Variants in SYNE2 observed in about 807,000 individuals in gnomAD.
The protein encoded by SYNE2 is spectrin repeat containing nuclear envelope protein 2, also known as nesprin-2.
Under a neutral mutation model 856.3 loss-of-function variants are expected in SYNE2, and 431 were observed. The observed-to-expected ratio is 0.50, with a 90% CI of 0.47 to 0.55. SYNE2 has a LOEUF of 0.55. SYNE2 is among the 20% of genes least tolerant of loss of function. The pLI is 0.00. For missense variants in SYNE2, 8,129 were observed against 8,023.2 expected, an observed-to-expected ratio of 1.01 and a Z score of -0.50; for synonymous variants, 2,923 against 2,872.3, an observed-to-expected ratio of 1.02 and a Z score of -0.56.
At position 63,947,714 on chromosome 14, in the gene SYNE2, G is replaced by T. The variant is rs956838783; in HGVS notation, c.409-2111G>T. Among the ~76,000 whole-genome samples, 6 of 152,156 alleles carry T rather than the reference G, an allele frequency of 3.9e-5. No individual in the cohort carries two copies. The East Asian group carries it at 1.2e-3, about 29-fold the overall frequency. ...TAGCCGGGCATGGTGGTGCATGCCTGTAATTCCAGCTACTCGAGAGGCTGA... is the reference window on the plus strand; with the variant it reads ...TAGCCGGGCATGGTGGTGCATGCCTTTAATTCCAGCTACTCGAGAGGCTGA... On this transcript the variant is annotated intron_variant, in intron 6 of 115. Transcript: ENST00000555002.
At chr14:63,964,151 T>G in intron 10 of SYNE2, 151 bp downstream of exon 10, 1 of 608,722 alleles carries the variant, frequency 1.6e-6, no homozygotes, top group Non-Finnish European at 2.9e-6. Flanking sequence ...CTTCCGAAAC[T>G]TTAAGGTGCA....
chr14:64,174,016 C>T (rs1450334671), intron 94 of SYNE2: 2 of 637,738 alleles, frequency 3.1e-6, no homozygotes, highest in Non-Finnish European at 5.5e-6. Flanking sequence ...AGCTGTAACA[C>T]CGCCACTAAA....
At chr14:64,212,581 A>G (rs1317345718) in intron 104 of SYNE2, among the ~76,000 whole-genome samples, 1 of 152,232 alleles carries the variant, frequency 6.6e-6, no homozygotes, top group Admixed American at 6.5e-5. Context: ...TCAAACTTTT[A>G]GAATTATTTT....
At chr14:64,188,768 C>A in intron 98 of SYNE2, 60 bp downstream of exon 98, 4 of 1,571,024 alleles carry the variant, frequency 2.5e-6, no homozygotes, top group African/African-American at 1.3e-5. Flanking sequence ...CGGCCCTCCT[C>A]ACTCCTAAGC....
In SYNE2 at chr14:64,115,579, C is replaced by T. The variant is rs372339046; in HGVS notation, c.12840+2008C>T. Among the ~76,000 whole-genome samples, 29 of 152,192 alleles carry T rather than the reference C, an allele frequency of 1.9e-4. 1 individual carries two copies. The highest frequency in any genetic ancestry group is 3.4e-3 in the Middle Eastern group (1 of 294). On this transcript the variant is annotated intron_variant, in intron 66 of 115. Transcript: ENST00000555002. The stretch of plus-strand genomic sequence containing the variant: ...GTGCAGTTTTCAGGGGTATGCAAAG[C>T]AGACAGGCTCTAAATGGATTAAAAT...
At chr14:63,937,559 A>G (rs549748769) in intron 2 of SYNE2, among the ~76,000 whole-genome samples, 7 of 152,226 alleles carry the variant, frequency 4.6e-5, no homozygotes, top group African/African-American at 1.7e-4. Context: ...GCAAGGTTTC[A>G]GCTGAGTTTA....
Position 64,002,747 on chromosome 14 carries a change from A to G in SYNE2, c.3814A>G (p.Ile1272Val), listed in dbSNP as rs1245258067. The G allele has an allele frequency of 6.2e-7, 1 of 1,613,096 alleles. No individual in the cohort carries two copies. Among genetic ancestry groups the G allele is most frequent in the Non-Finnish European group, 8.5e-7 (1 of 1,179,930 alleles). Residue 1272 changes from isoleucine (I) to valine (V), a missense_variant, in exon 30 of 116, where the codon ATT becomes GTT. Transcript: ENST00000555002. ...RNIQDSIAKQ[I>V]EICNRLEEPG... ...TATCCAAGATTCCATAGCAAAACAG[A>G]TTGAAATATGTAACCGCTTAGAAGA...
chr14:63,822,450 C>A (rs1191979513), intron 1 of SYNE2, among the ~76,000 whole-genome samples: 2 of 152,122 alleles, frequency 1.3e-5, no homozygotes, highest in African/African-American at 4.8e-5. Flanking sequence ...CTAGCTTTAT[C>A]CCTAGGGCAT....
intron 2 of SYNE2, among the ~76,000 whole-genome samples, chr14:63,923,777 G>C (rs1222928341): frequency 6.6e-6 from 1 of 151,884 alleles, no homozygotes; most frequent in East Asian, 1.9e-4. Context: ...TCACAGAGTT[G>C]AGCAGTCATC....
intron 99 of SYNE2, among the ~76,000 whole-genome samples, chr14:64,197,875 C>G (rs532036225): frequency 6.6e-6 from 1 of 152,304 alleles, no homozygotes; most frequent in East Asian, 1.9e-4. Context: ...AAAAGAAAAA[C>G]TTTATTTGCC....
At chr14:64,180,839 T>C (rs766287580) in intron 96 of SYNE2, among the ~76,000 whole-genome samples, 7 of 152,222 alleles carry the variant, frequency 4.6e-5, no homozygotes, top group Non-Finnish European at 1.0e-4. Context: ...ACAAAAGATA[T>C]ATCTTTTGTT....
rs186928233 is a variant in SYNE2 at position 63,953,559 on chromosome 14, T to C, written c.591-1160T>C. 1.7e-3 allele frequency among the ~76,000 whole-genome samples: 264 copies of C among 152,214 alleles called. 1 individual carries two copies. The highest frequency in any genetic ancestry group is 6.0e-3 in the African/African-American group (250 of 41,516). ...AGAGAGAGAGAGATAGATAGATAGA[T>C]AGATAGATAGATGTAGATATTATTG... On this transcript the variant is annotated intron_variant, in intron 7 of 115. Coordinates refer to ENST00000555002, the MANE Select transcript of SYNE2 (RefSeq NM_182914.3).
intron 6 of SYNE2, among the ~76,000 whole-genome samples, chr14:63,947,444 A>G (rs1263406851): frequency 6.6e-6 from 1 of 152,218 alleles, no homozygotes; most frequent in African/African-American, 2.4e-5. Context: ...ATTTAGATCT[A>G]CCGTCTTTCA....
At chr14:63,948,156 G>GACAC (rs151256085) in intron 6 of SYNE2, among the ~76,000 whole-genome samples, 4,878 of 124,336 alleles carry the variant, frequency 0.039, 278 homozygotes, top group African/African-American at 0.13. Context: ...TACACACACA[G>GACAC]ACACACACAT....
At chr14:63,789,544 G>C (rs750448577) in intron 1 of SYNE2, among the ~76,000 whole-genome samples, 2 of 152,090 alleles carry the variant, frequency 1.3e-5, no homozygotes, top group African/African-American at 4.8e-5. Context: ...CACTTTGGGA[G>C]GCCAAGGCAG....
At chr14:63,894,396 T>C (rs1175195001) in intron 1 of SYNE2, among the ~76,000 whole-genome samples, 1 of 152,130 alleles carries the variant, frequency 6.6e-6, no homozygotes, top group African/African-American at 2.4e-5. Context: ...AAAAACAATT[T>C]TTTTTTCTAG....
intron 32 of SYNE2, among the ~76,000 whole-genome samples, chr14:64,013,418 C>G (rs144811428): frequency 6.6e-6 from 1 of 150,468 alleles, no homozygotes; most frequent in African/African-American, 2.5e-5. Flanking sequence ...TTTAGTGGAA[C>G]CTATCACCCA....
chr14:64,065,436 T>C lies in SYNE2; in HGVS notation c.10217T>C (p.Leu3406Ser). 1 of 1,613,976 alleles carries C rather than the reference T, an allele frequency of 6.2e-7. No individual in the cohort carries two copies. The highest frequency in any genetic ancestry group is 1.1e-5 in the South Asian group (1 of 91,082). Reference sequence around the variant, plus strand: ...TTTTTTCTTTTCTTTCTTAAGGCCTTGGTGTCAAATCTTATATCAACCAAA... The same window carrying C: ...TTTTTTCTTTTCTTTCTTAAGGCCTCGGTGTCAAATCTTATATCAACCAAA... ...ALERLEQSKA[L>S]VSNLISTKEE... The change falls in exon 51 of 116, where the codon TTG (leucine) becomes TCG (serine). Residue 3406 changes from leucine (L) to serine (S), a missense_variant. This residue lies in a region of SYNE2 where 5,410 missense variants were observed against 5,284.8 expected (regional missense o/e 1.02). Coordinates refer to ENST00000555002, the MANE Select transcript of SYNE2 (RefSeq NM_182914.3).
chr14:63,978,908 A>G lies in SYNE2; in HGVS notation c.1463A>G (p.Lys488Arg), dbSNP rs1437677917. The G allele has an allele frequency of 5.6e-6, 9 of 1,612,952 alleles. No individual in the cohort carries two copies. The Admixed American group carries it at 1.0e-4, about 18-fold the overall frequency. The stretch of plus-strand genomic sequence containing the variant: ...CTACTTCTAGAATTTCATTACTACA[A>G]GTGCTTAGTTCTTGGTTTGGTAGAT... ...FILLLEFHYY[K>R]CLVLGLVDEV... The change falls in exon 14 of 116, where the codon AAG (lysine) becomes AGG (arginine). Residue 488 changes from lysine (K) to arginine (R), a missense_variant. Coordinates refer to ENST00000555002, the MANE Select transcript of SYNE2 (RefSeq NM_182914.3).
Sources: gnomAD v4.1 joint callset for allele counts (sites outside exome capture counted in the v4.1 genomes callset) on GRCh38, gnomAD v4.1.1 for gene constraint, gnomAD v4.1.1 regional missense constraint, MANE v1.5 for transcripts, NCBI Gene and HGNC (gene_info 2026-07-23, HGNC 2026-07-21) for gene names.